The following IFT88 variants were observed in gnomAD, a reference collection of about 807,000 sequenced individuals.
IFT88 encodes the protein intraflagellar transport 88, also known as intraflagellar transport protein 88 homolog.
IFT88 carries 74 observed loss-of-function variants against 119.5 expected under a neutral mutation model. The observed-to-expected ratio is 0.62, with a 90% CI of 0.51 to 0.75. The LOEUF is 0.75. IFT88 is among the 30% of genes least tolerant of loss of function. The pLI is 0.00. For synonymous variants in IFT88, 279 were observed against 316.7 expected (o/e 0.88, Z 1.26); for missense variants, 961 against 977.7 (o/e 0.98, Z 0.23).
intron 15 of IFT88, among the ~76,000 whole-genome samples, chr13:20,630,495 C>T (rs1250353866): frequency 6.6e-6 from 1 of 152,206 alleles, no homozygotes; most frequent in Non-Finnish European, 1.5e-5. Context: ...CAAGGCCTCA[C>T]TGCCCACCCC....
At chr13:20,600,295 G>A (rs1050241419) in intron 11 of IFT88, among the ~76,000 whole-genome samples, 4 of 151,988 alleles carry the variant, frequency 2.6e-5, no homozygotes, top group African/African-American at 7.2e-5. Context: ...ATTGTATTGA[G>A]TAACATATAT....
chr13:20,662,513 T>C (rs1231425178), intron 22 of IFT88, among the ~76,000 whole-genome samples: 1 of 152,218 alleles, frequency 6.6e-6, no homozygotes, highest in Non-Finnish European at 1.5e-5. Context: ...AAGAGAATTT[T>C]AGACCAATAT....
chr13:20,569,549 G>C (rs2035808738), intron 1 of IFT88, among the ~76,000 whole-genome samples: 1 of 151,186 alleles, frequency 6.6e-6, no homozygotes, highest in Non-Finnish European at 1.5e-5. Flanking sequence ...CTCCAGCCTG[G>C]GTGACAGAGC....
intron 13 of IFT88, among the ~76,000 whole-genome samples, chr13:20,609,888 T>C (rs907011654): frequency 3.9e-5 from 6 of 152,192 alleles, no homozygotes; most frequent in Admixed American, 2.0e-4. Flanking sequence ...CTCAGTCTTT[T>C]ATGGCTTCAT....
chr13:20,635,459 C>A (rs946669489), intron 16 of IFT88, among the ~76,000 whole-genome samples: 2 of 152,180 alleles, frequency 1.3e-5, no homozygotes, highest in Non-Finnish European at 2.9e-5. Context: ...CCTAGCAAAG[C>A]AGGTGTGGCC....
chr13:20,601,806 T>C lies in IFT88; in HGVS notation c.914T>C (p.Leu305Pro). The change falls in exon 12 of 26, where the codon CTG becomes CCG. Residue 305 changes from leucine to proline, a missense_variant. By Grantham distance (98) the Leu-to-Pro change is moderately conservative. Coordinates refer to ENST00000351808, the MANE Select transcript of IFT88 (RefSeq NM_006531.5). ...YEHIMSMAPN[L>P]KAGYNLTICY... ...CACATAATGAGCATGGCACCAAATC[T>C]GAAGGCAGGCTACAACCTAACTATC... 1 of 1,613,526 alleles carries C rather than the reference T, an allele frequency of 6.2e-7. No homozygotes were observed. Among genetic ancestry groups the C allele is most frequent in the Non-Finnish European group, 8.5e-7 (1 of 1,179,472 alleles).
At chr13:20,582,009 A>AT (rs372113528) in intron 2 of IFT88, among the ~76,000 whole-genome samples, 369 of 151,422 alleles carry the variant, frequency 2.4e-3, no homozygotes, top group Non-Finnish European at 3.6e-3. Flanking sequence ...TAGTGACTTT[A>AT]TTTTTTTTTG....
intron 13 of IFT88, among the ~76,000 whole-genome samples, chr13:20,608,817 C>T (rs890300843): frequency 6.6e-6 from 1 of 152,218 alleles, no homozygotes; most frequent in Non-Finnish European, 1.5e-5. Context: ...TGCAGCCTTG[C>T]AGCCTGGTGC....
At chr13:20,590,193 G>A (rs1317842456) in intron 4 of IFT88, among the ~76,000 whole-genome samples, 1 of 152,098 alleles carries the variant, frequency 6.6e-6, no homozygotes, top group Non-Finnish European at 1.5e-5. Flanking sequence ...TTACATAAAT[G>A]TAATAGTGTA....
chr13:20,589,795 C>A lies in IFT88; in HGVS notation c.154-16C>A. The A allele has an allele frequency of 6.3e-7, 1 of 1,576,198 alleles. No homozygotes were observed. Among genetic ancestry groups the A allele is most frequent in the Middle Eastern group, 1.7e-4 (1 of 5,920 alleles). On this transcript the variant is annotated splice_polypyrimidine_tract_variant and intron_variant, in intron 3 of 25. Coordinates refer to ENST00000351808, the MANE Select transcript of IFT88 (RefSeq NM_006531.5). ...CAGTCTGAATCCTGTTAACTATGTTCTTTTTCCTCCCCAAGATAACTGCTA... is the reference window on the plus strand; with the variant it reads ...CAGTCTGAATCCTGTTAACTATGTTATTTTTCCTCCCCAAGATAACTGCTA...
intron 15 of IFT88, among the ~76,000 whole-genome samples, chr13:20,630,139 A>G (rs769070330): frequency 3.4e-4 from 52 of 152,030 alleles, no homozygotes; most frequent in Non-Finnish European, 5.9e-4. Context: ...ATTCTGTGCC[A>G]TTTTTCCTTC....
At position 20,660,014 on chromosome 13, in the gene IFT88, G is replaced by A. The variant is rs80317655; in HGVS notation, c.2069-3484G>A. Among the ~76,000 whole-genome samples, 326 of 152,290 alleles carry A rather than the reference G, an allele frequency of 2.1e-3. 1 individual carries two copies. Among genetic ancestry groups the A allele is most frequent in the African/African-American group, 6.9e-3 (288 of 41,562 alleles). Reference sequence around the variant, plus strand: ...GTGGAGTGACTATTCTGTTCCAGACGTTGTTCTAGCACTGTGGATGTAGCA... The same window carrying A: ...GTGGAGTGACTATTCTGTTCCAGACATTGTTCTAGCACTGTGGATGTAGCA... On this transcript the variant is annotated intron_variant, in intron 22 of 25. Transcript: ENST00000351808.
intron 20 of IFT88, among the ~76,000 whole-genome samples, chr13:20,649,827 C>T (rs1352217824): frequency 6.6e-6 from 1 of 151,960 alleles, no homozygotes; most frequent in African/African-American, 2.4e-5. Context: ...ACCAATTTTA[C>T]GTAAATAAAA....
At chr13:20,581,852 CAAA>C (rs10555158) in intron 2 of IFT88, among the ~76,000 whole-genome samples, 135 of 121,264 alleles carry the variant, frequency 1.1e-3, no homozygotes, top group East Asian at 3.7e-3. Flanking sequence ...AACCCTGTCT[CAAA>C]AAAAAAAAAA....
intron 14 of IFT88, among the ~76,000 whole-genome samples, chr13:20,618,184 C>T (rs3002173): frequency 0.99 from 150,607 of 152,342 alleles, 74,465 homozygotes; most frequent in Non-Finnish European, 1. Flanking sequence ...CCTCCCAAAG[C>T]GCTGGGATTA....
chr13:20,593,666 C>T (rs1566111238), intron 7 of IFT88, among the ~76,000 whole-genome samples: 1 of 151,864 alleles, frequency 6.6e-6, no homozygotes, highest in Non-Finnish European at 1.5e-5. Context: ...TTAATGACAG[C>T]ACATTAGCTA....
At chr13:20,568,257 A>G (rs931982200) in intron 1 of IFT88, among the ~76,000 whole-genome samples, 2 of 152,160 alleles carry the variant, frequency 1.3e-5, no homozygotes, top group Non-Finnish European at 2.9e-5. Flanking sequence ...TTCAACATGG[A>G]AAAGTTTGTT....
intron 22 of IFT88, among the ~76,000 whole-genome samples, chr13:20,658,415 C>T (rs1489616372): frequency 6.6e-6 from 1 of 152,138 alleles, no homozygotes; most frequent in Non-Finnish European, 1.5e-5. Flanking sequence ...TCTAGCCCTA[C>T]CTAGAAAGAT....
Position 20,604,414 on chromosome 13 carries a change from G to A in IFT88, c.1042-621G>A, listed in dbSNP as rs117019581. Among the ~76,000 whole-genome samples the A allele has an allele frequency of 8.5e-4, 129 of 152,266 alleles. 2 individuals carry two copies. The East Asian group carries it at 0.022, about 26-fold the overall frequency. ...TCATACTAAGTAATTGATGATTGAAGCATTTATATTTGAGTTTAGAATTAA... is the reference window on the plus strand; with the variant it reads ...TCATACTAAGTAATTGATGATTGAAACATTTATATTTGAGTTTAGAATTAA... On this transcript the variant is annotated intron_variant, in intron 12 of 25. Coordinates refer to ENST00000351808, the MANE Select transcript of IFT88 (RefSeq NM_006531.5).
Sources: allele counts gnomAD v4.1 joint callset (sites outside exome capture counted in the v4.1 genomes callset), GRCh38; gene constraint gnomAD v4.1.1; transcripts MANE v1.5; gene names NCBI Gene and HGNC (gene_info 2026-07-23, HGNC 2026-07-21).